Variants in OLFM2 observed in about 807,000 individuals in gnomAD.
The protein encoded by OLFM2 is noelin-2.
A neutral mutation model predicts 43.9 loss-of-function variants in OLFM2; 20 were observed. That is an observed-to-expected ratio of 0.46 (90% CI 0.32 to 0.66). The LOEUF (loss-of-function observed/expected upper bound fraction) is 0.66. OLFM2 is among the 30% of genes least tolerant of loss of function. The pLI is 0.04. For missense variants in OLFM2, 416 were observed against 643.6 expected, an observed-to-expected ratio of 0.65 and a Z score of 3.83; for synonymous variants, 268 against 278.6, an observed-to-expected ratio of 0.96 and a Z score of 0.38.
At chr19:9,897,121 G>T (rs975030533) in intron 1 of OLFM2, among the ~76,000 whole-genome samples, 1 of 152,098 alleles carries the variant, frequency 6.6e-6, no homozygotes, top group African/African-American at 2.4e-5. Flanking sequence ...CTGAGGTCAG[G>T]AGTTCAAGAC....
intron 1 of OLFM2, among the ~76,000 whole-genome samples, chr19:9,872,924 G>A (rs530422797): frequency 2.0e-5 from 3 of 152,004 alleles, no homozygotes; most frequent in Admixed American, 6.6e-5. Flanking sequence ...CTCCCATTCT[G>A]AATTTCATAT....
rs567939542 is a variant in OLFM2, at chr19:9,853,781, AAC to A, written c.*403_*404del. ...AAGAAAAAGTGTAAATAAAAAAAGA[AAC>A]AGATCCATGCACTCAACTCCTGGGG... On this transcript the variant is annotated 3_prime_UTR_variant, in exon 6 of 6. Coordinates refer to ENST00000264833, the MANE Select transcript of OLFM2 (RefSeq NM_058164.4). 4.5e-5 allele frequency: 10 copies of A among 220,214 alleles called. No homozygotes were observed. In the East Asian group the frequency reaches 9.4e-4, roughly 21 times the overall value. 13.6% of individuals were successfully genotyped at this position (220,214 alleles called of 1,614,324 possible).
At chr19:9,883,978 G>C (rs2046563479) in intron 1 of OLFM2, among the ~76,000 whole-genome samples, 2 of 152,076 alleles carry the variant, frequency 1.3e-5, no homozygotes, top group Non-Finnish European at 1.5e-5. Context: ...TAAAATCACA[G>C]TAGTCTTAGC....
intron 1 of OLFM2, among the ~76,000 whole-genome samples, chr19:9,918,497 A>G (rs1399400879): frequency 6.6e-6 from 1 of 151,970 alleles, no homozygotes; most frequent in Non-Finnish European, 1.5e-5. Flanking sequence ...AGACCCTAAA[A>G]CTCTTTTTAA....
intron 1 of OLFM2, among the ~76,000 whole-genome samples, chr19:9,894,169 TG>T (rs1348345078): frequency 2.0e-5 from 3 of 151,946 alleles, no homozygotes; most frequent in Admixed American, 2.0e-4. Flanking sequence ...GGCGCACGCC[TG>T]TAATCCCAGC....
intron 1 of OLFM2, among the ~76,000 whole-genome samples, chr19:9,925,590 A>G (rs1179252015): frequency 6.6e-6 from 1 of 151,410 alleles, no homozygotes; most frequent in African/African-American, 2.4e-5. Context: ...CTGGGACCAC[A>G]GGCACAGCTA....
rs187136235 is a variant in OLFM2 at position 9,863,957 on chromosome 19, C to A, written c.64-3163G>T. Among the ~76,000 whole-genome samples, 548 of 152,370 alleles carry A rather than the reference C, an allele frequency of 3.6e-3. 3 individuals are homozygous for A. Among genetic ancestry groups the A allele is most frequent in the Non-Finnish European group, 5.9e-3 (403 of 68,036 alleles). ...AGTTGCACATCCTCAGCCCTGGCAG[C>A]GGAGCACAGTAACTCACTTTCTCCG... On this transcript the variant is annotated intron_variant, in intron 1 of 5. Transcript: ENST00000264833.
At chr19:9,892,688 G>A (rs1285796714) in intron 1 of OLFM2, among the ~76,000 whole-genome samples, 5 of 152,134 alleles carry the variant, frequency 3.3e-5, no homozygotes, top group African/African-American at 1.2e-4. Context: ...GCAAGACTCT[G>A]TGTCAAATCA....
chr19:9,883,989 TG>T (rs1363355533), intron 1 of OLFM2, among the ~76,000 whole-genome samples: 1 of 152,054 alleles, frequency 6.6e-6, no homozygotes, highest in Non-Finnish European at 1.5e-5. Flanking sequence ...TAGTCTTAGC[TG>T]GGCATGGTGA....
At chr19:9,878,652 C>G (rs2046512851) in intron 1 of OLFM2, among the ~76,000 whole-genome samples, 1 of 152,148 alleles carries the variant, frequency 6.6e-6, no homozygotes, top group African/African-American at 2.4e-5. Flanking sequence ...GCTTCAAGCC[C>G]TGGTTCAGAG....
chr19:9,869,268 T>C (rs562519090), intron 1 of OLFM2, among the ~76,000 whole-genome samples: 130 of 152,302 alleles, frequency 8.5e-4, no homozygotes, highest in African/African-American at 3.0e-3. Flanking sequence ...TTCCACGTGA[T>C]GTCACCAGCA....
intron 1 of OLFM2, among the ~76,000 whole-genome samples, chr19:9,922,897 T>A (rs1445441268): frequency 2.3e-5 from 3 of 133,304 alleles, no homozygotes; most frequent in African/African-American, 9.0e-5. Flanking sequence ...GGTGACAGAG[T>A]GAGACCCTGT....
chr19:9,913,924 G>A (rs1461957012), intron 1 of OLFM2: 1 of 150,656 alleles, frequency 6.6e-6, no homozygotes, highest in African/African-American at 2.4e-5. Flanking sequence ...CCCGGCGGGG[G>A]GCGGGGGGCG....
chr19:9,919,282 T>C lies in OLFM2; in HGVS notation c.63+17022A>G, dbSNP rs180903284. Reference sequence around the variant, plus strand: ...CCCAGGCTCATGCCATTCTCCTGCCTCAGCCTCCGGAGTAGCTGGGGCTAC... The same window carrying C: ...CCCAGGCTCATGCCATTCTCCTGCCCCAGCCTCCGGAGTAGCTGGGGCTAC... On this transcript the variant is annotated intron_variant, in intron 1 of 5. Transcript: ENST00000264833. Among the ~76,000 whole-genome samples, 1,464 of 151,416 alleles carry C rather than the reference T, an allele frequency of 9.7e-3. 12 individuals carry two copies. The highest frequency in any genetic ancestry group is 0.015 in the Non-Finnish European group (1,022 of 67,898).
Position 9,886,627 on chromosome 19 carries a change from C to T in OLFM2, c.64-25833G>A, listed in dbSNP as rs965290230. On this transcript the variant is annotated intron_variant, in intron 1 of 5. Transcript: ENST00000264833. ...CAGCCCTCACTTCGAAATGCATCCT[C>T]GATTCTGCCCAGTCTGCCTCGTCCA... Among the ~76,000 whole-genome samples the T allele has an allele frequency of 4.6e-5, 7 of 152,196 alleles. No individual in the cohort carries two copies. In the South Asian group the frequency reaches 6.2e-4, roughly 13 times the overall value.
rs1296816270 is a variant in OLFM2, at chr19:9,854,854, T to C, written c.697A>G (p.Met233Val). The change falls in exon 6 of 6, where the codon ATG becomes GTG. Residue 233 changes from methionine (M) to valine (V), a missense_variant. Coordinates refer to ENST00000264833, the MANE Select transcript of OLFM2 (RefSeq NM_058164.4). This position sits in a 1 kb window ranked among gnomAD's most constrained non-coding sequence, Gnocchi z 9.5. ...APSADSRVWYMDGYYKGRRVL... is the reference protein window; with the variant it reads ...APSADSRVWYVDGYYKGRRVL... ...CGGCGGCCTTTGTAATAGCCATCCA[T>C]GTACCAGACCTATGGTAGCAGCCGC... The C allele has an allele frequency of 1.9e-6, 3 of 1,591,580 alleles. No individual in the cohort carries two copies. In the Admixed American group the frequency reaches 5.2e-5, roughly 28 times the overall value.
At chr19:9,924,101 T>A (rs1599503045) in intron 1 of OLFM2, among the ~76,000 whole-genome samples, 4 of 35,862 alleles carry the variant, frequency 1.1e-4, no homozygotes, top group African/African-American at 2.7e-4. Flanking sequence ...ACCTCGTCTC[T>A]ACAAAAAAAA....
At chr19:9,876,872 TTTTA>T (rs542889488) in intron 1 of OLFM2, among the ~76,000 whole-genome samples, 3 of 152,308 alleles carry the variant, frequency 2.0e-5, no homozygotes, top group African/African-American at 4.8e-5. Context: ...ACGTAATCCA[TTTTA>T]TTTATTTATT....
chr19:9,918,770 A>C (rs1249775618), intron 1 of OLFM2, among the ~76,000 whole-genome samples: 1 of 152,188 alleles, frequency 6.6e-6, no homozygotes, highest in Non-Finnish European at 1.5e-5. Context: ...GACGCAAAAG[A>C]CCACATAGTT....
Sources: allele counts gnomAD v4.1 joint callset (sites outside exome capture counted in the v4.1 genomes callset), GRCh38; gene constraint gnomAD v4.1.1; non-coding constraint Gnocchi (gnomAD v3.1); transcripts MANE v1.5; gene names NCBI Gene and HGNC (gene_info 2026-07-23, HGNC 2026-07-21).